HCFC2: variants seen among roughly 807,000 people sequenced by gnomAD.
The protein encoded by HCFC2 is host cell factor 2.
Under a neutral mutation model 89.2 loss-of-function variants are expected in HCFC2, and 18 were observed. The observed-to-expected ratio is 0.20, with a 90% CI of 0.14 to 0.30. The LOEUF is 0.30. HCFC2 is among the 10% of genes least tolerant of loss of function. The pLI, the probability that HCFC2 is intolerant of heterozygous loss-of-function variation, is 1.00. For synonymous variants in HCFC2, 308 were observed against 335.7 expected (o/e 0.92, Z 0.90); for missense variants, 578 against 956.1 (o/e 0.60, Z 5.21).
intron 9 of HCFC2, among the ~76,000 whole-genome samples, chr12:104,093,114 A>G (rs1884070927): frequency 6.6e-6 from 1 of 152,184 alleles, no homozygotes; most frequent in Non-Finnish European, 1.5e-5. Flanking sequence ...GCTATCACTT[A>G]CTAAAATGTA....
rs1179714993 is a variant in HCFC2 at position 104,068,673 on chromosome 12, T to A, written c.473+566T>A. Among the ~76,000 whole-genome samples the A allele has an allele frequency of 6.6e-6, 1 of 152,220 alleles. No homozygotes were observed. Among genetic ancestry groups the A allele is most frequent in the Non-Finnish European group, 1.5e-5 (1 of 68,046 alleles). ...ATCATGTTTTGTTTGTTTGTTTGTA[T>A]GTTGAGTTCCAATAAGCCTTTATGA... is the stretch of plus-strand genomic sequence containing the variant. On this transcript the variant is annotated intron_variant, in intron 3 of 14. Coordinates refer to ENST00000229330, the MANE Select transcript of HCFC2 (RefSeq NM_013320.3). This position sits in a 1 kb window ranked among gnomAD's most constrained non-coding sequence, Gnocchi z 4.1.
At chr12:104,070,815 T>TG (rs1412484714) in intron 3 of HCFC2, among the ~76,000 whole-genome samples, 1 of 148,596 alleles carries the variant, frequency 6.7e-6, no homozygotes, top group Non-Finnish European at 1.5e-5. Context: ...TTTTTTTTTT[T>TG]TTTTTTTGAG....
chr12:104,080,797 G>A lies in HCFC2; in HGVS notation c.734G>A (p.Arg245Gln). Residue 245 changes from arginine to glutamine, a missense_variant, in exon 5 of 15, where the codon CGA becomes CAA. Arg to Gln is a conservative substitution (Grantham distance 43). Coordinates refer to ENST00000229330, the MANE Select transcript of HCFC2 (RefSeq NM_013320.3). Reference sequence around the variant, plus strand: ...ACTAAAGGGACAGTGCCACTTCCACGAAGCCTTCATACAGCCAGTGTTATA... The same window carrying A: ...ACTAAAGGGACAGTGCCACTTCCACAAAGCCTTCATACAGCCAGTGTTATA... ...PETKGTVPLP[R>Q]SLHTASVIGN... 6.2e-7 allele frequency: 1 copy of A among 1,610,026 alleles called. No individual in the cohort carries two copies.
At chr12:104,086,803 A>C in intron 7 of HCFC2, 44 bp from the exon 8 acceptor site, 3 of 1,568,206 alleles carry the variant, frequency 1.9e-6, no homozygotes, top group Non-Finnish European at 2.6e-6. Context: ...CAAACCATTT[A>C]TACACTGGAA....
chr12:104,082,374 G>T, intron 5 of HCFC2, 126 bp from the exon 6 acceptor site: 1 of 602,764 alleles, frequency 1.7e-6, no homozygotes, highest in East Asian at 2.8e-5. Flanking sequence ...CCTTGACAAT[G>T]GTAAGCGAAT....
At position 104,079,518 on chromosome 12, in the gene HCFC2, A is replaced by G. The variant is rs1883616833; in HGVS notation, c.547A>G (p.Lys183Glu). ...TGTGGGTTGGAGCATTCCAGTGACT[A>G]AAGGGGTTGTGCCTTCTCCAAGAGA... ...GVVGWSIPVT[K>E]GVVPSPRESH... is the part of the protein sequence containing the mutation. The change falls in exon 4 of 15, where the codon AAA becomes GAA. Residue 183 changes from lysine (K) to glutamate (E), a missense_variant. Physicochemically the swap from Lys to Glu is moderately conservative, Grantham distance 56. Coordinates refer to ENST00000229330, the MANE Select transcript of HCFC2 (RefSeq NM_013320.3). 16 of 1,614,076 alleles carry G rather than the reference A, an allele frequency of 9.9e-6. No individual in the cohort carries two copies. Among genetic ancestry groups the G allele is most frequent in the Non-Finnish European group, 1.4e-5 (16 of 1,179,980 alleles).
intron 3 of HCFC2, among the ~76,000 whole-genome samples, chr12:104,075,457 CTTT>C (rs35657094): frequency 8.5e-6 from 1 of 118,046 alleles, no homozygotes; most frequent in South Asian, 2.8e-4. Context: ...TGTTCCTAAC[CTTT>C]TTTTTTTTTT....
At chr12:104,100,061 CT>C (rs1231859494) in intron 13 of HCFC2, among the ~76,000 whole-genome samples, 2 of 151,514 alleles carry the variant, frequency 1.3e-5, no homozygotes, top group Non-Finnish European at 2.9e-5. Flanking sequence ...GAGAATGGAA[CT>C]TTTTTTTTCC....
intron 2 of HCFC2, 81 bp from the exon 3 acceptor site, chr12:104,067,866 T>G: frequency 6.3e-6 from 8 of 1,264,946 alleles, no homozygotes; most frequent in Non-Finnish European, 7.3e-6. Context: ...TAAAATGTAT[T>G]GATATGATGT....
rs1361378823 is a variant in HCFC2 at position 104,105,633 on chromosome 12, G to A, written c.*2360G>A. 2.1e-5 allele frequency: 3 copies of A among 145,126 alleles called. No homozygotes were observed. The highest frequency in any genetic ancestry group is 4.5e-5 in the Non-Finnish European group (3 of 66,536). The allele number at this position is 145,126 out of a possible 1,614,324, so 9.0% of individuals were successfully genotyped here. A position where few individuals can be genotyped will look rare whatever the true frequency, so the allele number is the denominator to read the frequency against. On this transcript the variant is annotated 3_prime_UTR_variant, in exon 15 of 15. Transcript: ENST00000229330. ...TTAAGCACCAGTCATATTTATCTCT[G>A]TGATAAGGGATTGCTGACTAAAAAA... is the stretch of plus-strand genomic sequence containing the variant.
chr12:104,082,671 TTA>T (rs1320782513), intron 6 of HCFC2, 40 bp from the exon 7 acceptor site: 2 of 1,588,702 alleles, frequency 1.3e-6, no homozygotes, highest in South Asian at 2.3e-5. Flanking sequence ...TGTAATTTTG[TTA>T]AGAACAAAAG....
rs941022836 is a variant in HCFC2, at chr12:104,077,686, A to T, written c.474-1759A>T. On this transcript the variant is annotated intron_variant, in intron 3 of 14. Transcript: ENST00000229330. Reference sequence around the variant, plus strand: ...TTCCCTCTAGTGATTTGAGAATTATATGTGCTAATTTTGTGCATACCTTAG... The same window carrying T: ...TTCCCTCTAGTGATTTGAGAATTATTTGTGCTAATTTTGTGCATACCTTAG... Among the ~76,000 whole-genome samples, 97 of 150,590 alleles carry T rather than the reference A, an allele frequency of 6.4e-4. 1 individual carries two copies. Among genetic ancestry groups the T allele is most frequent in the African/African-American group, 2.3e-3 (93 of 40,914 alleles).
chr12:104,091,485 T>A (rs956914245), intron 9 of HCFC2, among the ~76,000 whole-genome samples: 2 of 152,262 alleles, frequency 1.3e-5, no homozygotes, highest in Non-Finnish European at 2.9e-5. Flanking sequence ...TCTGCCATTC[T>A]CTTTTTCCTT....
At chr12:104,082,974 C>CTGTA (rs1295512202) in intron 7 of HCFC2, 73 bp downstream of exon 7, 6 of 1,029,854 alleles carry the variant, frequency 5.8e-6, no homozygotes, top group Non-Finnish European at 7.2e-6. Flanking sequence ...TTGAGACTTA[C>CTGTA]TGTAAATGCT....
intron 3 of HCFC2, among the ~76,000 whole-genome samples, chr12:104,076,641 G>A (rs1883502378): frequency 1.3e-5 from 2 of 151,858 alleles, no homozygotes; most frequent in South Asian, 4.2e-4. Context: ...ACCAGATTTT[G>A]TATTATAATA....
chr12:104,095,362 C>T lies in HCFC2; in HGVS notation c.1465C>T (p.Pro489Ser). Reference sequence around the variant, plus strand: ...TTACCTTTTCCCTTTTATTTTAGGTCCTCACACTTCAGCAAATGTAGGTGT... The same window carrying T: ...TTACCTTTTCCCTTTTATTTTAGGTTCTCACACTTCAGCAAATGTAGGTGT... ...VVDMLRKNEG[P>S]HTSANVGVLS... The change falls in exon 11 of 15, where the codon CCT becomes TCT. Residue 489 changes from proline (P) to serine (S), a missense_variant and splice_region_variant. Physicochemically the swap from Pro to Ser is moderately conservative, Grantham distance 74. Around this residue, in one of 4 missense-constraint regions of HCFC2, gnomAD observed 210 missense variants for 251.7 expected, o/e 0.83. Transcript: ENST00000229330. This position sits in a 1 kb window ranked among gnomAD's most constrained non-coding sequence, Gnocchi z 4.2. 2 of 1,610,098 alleles carry T rather than the reference C, an allele frequency of 1.2e-6. No individual in the cohort carries two copies. Among genetic ancestry groups the T allele is most frequent in the Non-Finnish European group, 1.7e-6 (2 of 1,176,732 alleles).
At chr12:104,066,085 G>T in intron 1 of HCFC2, 82 bp from the exon 2 acceptor site, 1 of 1,336,018 alleles carries the variant, frequency 7.5e-7, no homozygotes. Flanking sequence ...GAGACCCACT[G>T]ATATTGATGA....
At chr12:104,102,268 A>G in intron 14 of HCFC2, 115 bp downstream of exon 14, 1 of 862,146 alleles carries the variant, frequency 1.2e-6, no homozygotes, top group Non-Finnish European at 1.8e-6. Flanking sequence ...AGAGATACCT[A>G]AAAGGATGGA....
At chr12:104,079,719 G>C in intron 4 of HCFC2, 66 bp downstream of exon 4, 1 of 1,199,714 alleles carries the variant, frequency 8.3e-7, no homozygotes, top group Non-Finnish European at 1.2e-6. Flanking sequence ...AAATATTATT[G>C]ATTGCAGTAT....
Sources: gnomAD v4.1 joint callset for allele counts (sites outside exome capture counted in the v4.1 genomes callset) on GRCh38, gnomAD v4.1.1 for gene constraint, gnomAD v4.1.1 regional missense constraint, Gnocchi (gnomAD v3.1) non-coding constraint, MANE v1.5 for transcripts, NCBI Gene and HGNC (gene_info 2026-07-23, HGNC 2026-07-21) for gene names.